Variants in CTNNA1 observed in about 807,000 individuals in gnomAD.
The protein encoded by CTNNA1 is catenin alpha 1.
A neutral mutation model predicts 98.4 loss-of-function variants in CTNNA1; 37 were observed. That is an observed-to-expected ratio of 0.38 (90% CI 0.29 to 0.49). The LOEUF (loss-of-function observed/expected upper bound fraction) is 0.49, where lower values mean the gene tolerates loss of function less well. Among genes scored for constraint, CTNNA1 ranks in the 20% least tolerant of loss-of-function variants. The pLI is 0.95. For synonymous variants in CTNNA1, 404 were observed against 413.2 expected, an observed-to-expected ratio of 0.98 and a Z score of 0.27; for missense variants, 761 against 1,147.2, an observed-to-expected ratio of 0.66 and a Z score of 4.86.
intron 6 of CTNNA1, among the ~76,000 whole-genome samples, chr5:138,827,231 T>G (rs1760816142): frequency 6.6e-6 from 1 of 152,246 alleles, no homozygotes; most frequent in South Asian, 2.1e-4. Flanking sequence ...TACCTTTAGA[T>G]GTTCAGAATA....
chr5:138,813,205 C>T (rs756641368), intron 5 of CTNNA1, among the ~76,000 whole-genome samples: 1 of 152,188 alleles, frequency 6.6e-6, no homozygotes, highest in African/African-American at 2.4e-5. Flanking sequence ...TATTTTTCAT[C>T]ACTATCGTCT....
chr5:138,780,120 A>G (rs768142176), intron 1 of CTNNA1, among the ~76,000 whole-genome samples: 2 of 152,154 alleles, frequency 1.3e-5, no homozygotes, highest in Non-Finnish European at 2.9e-5. Context: ...TAACTTTAGA[A>G]TAAGATTTTA....
At chr5:138,771,539 A>G (rs1753554006) in intron 1 of CTNNA1, among the ~76,000 whole-genome samples, 1 of 151,578 alleles carries the variant, frequency 6.6e-6, no homozygotes, top group African/African-American at 2.4e-5. Context: ...ATGCCCAGCT[A>G]ATTTTTTTTT....
At chr5:138,855,375 A>G (rs1763641901) in intron 7 of CTNNA1, among the ~76,000 whole-genome samples, 1 of 149,154 alleles carries the variant, frequency 6.7e-6, no homozygotes, top group Non-Finnish European at 1.5e-5. Context: ...CTAACCAGCC[A>G]GCACTTGTTT....
intron 9 of CTNNA1, among the ~76,000 whole-genome samples, chr5:138,902,962 A>G (rs929707598): frequency 6.6e-6 from 1 of 152,142 alleles, no homozygotes; most frequent in African/African-American, 2.4e-5. Context: ...AAGCAAACAA[A>G]TAGAAATCCC....
At position 138,880,938 on chromosome 5, in the gene CTNNA1, A is replaced by G. The variant is rs1021151451; in HGVS notation, c.1063-5274A>G. The G allele has an allele frequency of 4.6e-4, 188 of 407,380 alleles. 2 individuals are homozygous for G. The highest frequency in any genetic ancestry group is 2.4e-3 in the Middle Eastern group (7 of 2,888). The allele number at this position is 407,380 out of a possible 1,614,324, so 25.2% of individuals were successfully genotyped here. A position where few individuals can be genotyped will look rare whatever the true frequency, so the allele number is the denominator to read the frequency against. Reference sequence around the variant, plus strand: ...GCAGTGACAAGTGATATGGCAAGGAAAAAAAAAAACACATTGAATATGTGA... The same window carrying G: ...GCAGTGACAAGTGATATGGCAAGGAGAAAAAAAAACACATTGAATATGTGA... On this transcript the variant is annotated intron_variant, in intron 7 of 17. Transcript: ENST00000302763.
At chr5:138,796,353 G>A (rs1256754918) in intron 3 of CTNNA1, among the ~76,000 whole-genome samples, 4 of 151,508 alleles carry the variant, frequency 2.6e-5, no homozygotes, top group Non-Finnish European at 4.4e-5. Context: ...TCAGGAGATC[G>A]AGACCACGGT....
At chr5:138,930,686 C>T in intron 15 of CTNNA1, 32 bp downstream of exon 15, 5 of 1,598,624 alleles carry the variant, frequency 3.1e-6, no homozygotes, top group Non-Finnish European at 4.3e-6. Flanking sequence ...CCAGGCTGCA[C>T]AGGGGCTACT....
intron 7 of CTNNA1, among the ~76,000 whole-genome samples, chr5:138,851,280 C>A (rs2149845060): frequency 6.6e-6 from 1 of 152,336 alleles, no homozygotes; most frequent in Non-Finnish European, 1.5e-5. Flanking sequence ...TGCCTGATCT[C>A]TGTCTGCAGG....
intron 8 of CTNNA1, among the ~76,000 whole-genome samples, chr5:138,887,135 A>G (rs1754245528): frequency 6.6e-6 from 1 of 152,150 alleles, no homozygotes; most frequent in African/African-American, 2.4e-5. Context: ...CTAATTATAT[A>G]TATATTCCAA....
intron 1 of CTNNA1, among the ~76,000 whole-genome samples, chr5:138,765,383 T>C (rs1752818954): frequency 1.3e-5 from 2 of 150,830 alleles, no homozygotes; most frequent in Non-Finnish European, 3.0e-5. Flanking sequence ...GGTTTCACCA[T>C]GTTGGCCAGG....
In CTNNA1 at chr5:138,934,934, G is replaced by C. The variant is rs1766223873; in HGVS notation, c.*845G>C. 1 of 152,384 alleles carries C rather than the reference G, an allele frequency of 6.6e-6. No individual in the cohort carries two copies. The highest frequency in any genetic ancestry group is 2.4e-5 in the African/African-American group (1 of 41,398). 9.4% of individuals were successfully genotyped at this position (152,384 alleles called of 1,614,324 possible). ...ATTGATTGATTACTATTAACTACAA[G>C]GTATAATTTACTATCACCTTATTTA... On this transcript the variant is annotated 3_prime_UTR_variant, in exon 18 of 18. Coordinates refer to ENST00000302763, the MANE Select transcript of CTNNA1 (RefSeq NM_001903.5).
chr5:138,756,606 CGT>C (rs1231260735), intron 1 of CTNNA1, among the ~76,000 whole-genome samples: 1 of 152,104 alleles, frequency 6.6e-6, no homozygotes, highest in Non-Finnish European at 1.5e-5. Context: ...GGAAAGACTC[CGT>C]GTGTTTAGAG....
intron 9 of CTNNA1, among the ~76,000 whole-genome samples, chr5:138,893,037 A>T (rs1755845995): frequency 1.3e-5 from 2 of 152,274 alleles, no homozygotes; most frequent in East Asian, 1.9e-4. Context: ...ATAAATAAAT[A>T]AAAATAAATT....
rs2150359897 is a variant in CTNNA1 at position 138,933,997 on chromosome 5, G to A, written c.2629G>A (p.Glu877Lys). Residue 877 changes from glutamate to lysine, a missense_variant, in exon 18 of 18, where the codon GAG becomes AAG. By Grantham distance (56) the Glu-to-Lys change is moderately conservative. Transcript: ENST00000302763. ...KPLVKREKQD[E>K]TQTKIKRASQ... The stretch of plus-strand genomic sequence containing the variant: ...ATTGGTGAAGAGAGAGAAACAGGAT[G>A]AGACACAGACCAAGATTAAACGGGC... 2 of 1,614,162 alleles carry A rather than the reference G, an allele frequency of 1.2e-6. No individual in the cohort carries two copies. The highest frequency in any genetic ancestry group is 1.7e-6 in the Non-Finnish European group (2 of 1,180,032).
chr5:138,826,444 G>T (rs114964448), intron 6 of CTNNA1, among the ~76,000 whole-genome samples: 122 of 152,280 alleles, frequency 8.0e-4, no homozygotes, highest in African/African-American at 2.8e-3. Context: ...TGAGGATGCC[G>T]ATGTTTCACC....
chr5:138,918,554 A>T (rs549438606), intron 11 of CTNNA1, among the ~76,000 whole-genome samples: 107 of 152,170 alleles, frequency 7.0e-4, no homozygotes, highest in Non-Finnish European at 1.1e-3. Flanking sequence ...TGGGTAATTC[A>T]CCTCACAAAA....
At chr5:138,784,497 G>A (rs1405609352) in intron 3 of CTNNA1, among the ~76,000 whole-genome samples, 1 of 152,022 alleles carries the variant, frequency 6.6e-6, no homozygotes, top group African/African-American at 2.4e-5. Context: ...ACCTTCAATG[G>A]TAAATATTTT....
intron 7 of CTNNA1, among the ~76,000 whole-genome samples, chr5:138,864,890 C>T (rs1764602384): frequency 6.6e-6 from 1 of 152,130 alleles, no homozygotes; most frequent in Non-Finnish European, 1.5e-5. Flanking sequence ...TCTCGGCTCA[C>T]TACAACCTCC....
Sources: allele counts gnomAD v4.1 joint callset (sites outside exome capture counted in the v4.1 genomes callset), GRCh38; gene constraint gnomAD v4.1.1; transcripts MANE v1.5; gene names NCBI Gene and HGNC (gene_info 2026-07-23, HGNC 2026-07-21).